Variants in SNX22 observed in about 807,000 individuals in gnomAD.
SNX22 encodes sorting nexin-22.
A neutral mutation model predicts 24.7 loss-of-function variants in SNX22; 23 were observed. That is an observed-to-expected ratio of 0.93 (90% CI 0.67 to 1.32). The LOEUF (loss-of-function observed/expected upper bound fraction) is 1.32, where lower values mean the gene tolerates loss of function less well. Among genes scored for constraint, SNX22 ranks in the 40% most tolerant of loss-of-function variants. The pLI is 0.00. For synonymous variants in SNX22, 99 were observed against 104.0 expected (o/e 0.95, Z 0.29); for missense variants, 261 against 249.9 (o/e 1.04, Z -0.30).
rs774983936 is a variant in SNX22 at position 64,156,024 on chromosome 15, T to C, written c.*1516T>C. The C allele has an allele frequency of 3.1e-6, 5 of 1,614,194 alleles. No individual in the cohort carries two copies. In the South Asian group the frequency reaches 5.5e-5, roughly 18 times the overall value. On this transcript the variant is annotated 3_prime_UTR_variant, in exon 7 of 7. Coordinates refer to ENST00000325881, the MANE Select transcript of SNX22 (RefSeq NM_024798.3). This position sits in a 1 kb window ranked among gnomAD's most constrained non-coding sequence, Gnocchi z 6.4. ...CTCAAAGAAAGATGTCCCTGTGCCC[T>C]ACTCCTTGGCGATGGCAAAGGGCTT...
At position 64,157,092 on chromosome 15, in the gene SNX22, G is replaced by A. The variant is rs1488080842; in HGVS notation, c.*2584G>A. The A allele has an allele frequency of 1.6e-6, 1 of 630,984 alleles. No individual in the cohort carries two copies. Among genetic ancestry groups the A allele is most frequent in the Non-Finnish European group, 2.7e-6 (1 of 364,118 alleles). 39.1% of individuals were successfully genotyped at this position (630,984 alleles called of 1,614,324 possible). A position where few individuals can be genotyped will look rare whatever the true frequency, so the allele number is the denominator to read the frequency against. On this transcript the variant is annotated 3_prime_UTR_variant, in exon 7 of 7. Transcript: ENST00000325881. This position sits in a 1 kb window ranked among gnomAD's most constrained non-coding sequence, Gnocchi z 4.2. Reference sequence around the variant, plus strand: ...CTCAGAGCCAAGCCATGCTGACTGAGGCCAAGTGGGGCATCAGGCCAGGCT... The same window carrying A: ...CTCAGAGCCAAGCCATGCTGACTGAAGCCAAGTGGGGCATCAGGCCAGGCT...
Position 64,156,034 on chromosome 15 carries a change from C to T in SNX22, c.*1526C>T, listed in dbSNP as rs759753798. On this transcript the variant is annotated 3_prime_UTR_variant, in exon 7 of 7. Coordinates refer to ENST00000325881, the MANE Select transcript of SNX22 (RefSeq NM_024798.3). This position sits in a 1 kb window ranked among gnomAD's most constrained non-coding sequence, Gnocchi z 6.4. The stretch of plus-strand genomic sequence containing the variant: ...GATGTCCCTGTGCCCTACTCCTTGG[C>T]GATGGCAAAGGGCTTCTCCACCTCG... 5.0e-6 allele frequency: 8 copies of T among 1,614,046 alleles called. No individual in the cohort carries two copies. Among genetic ancestry groups the T allele is most frequent in the Middle Eastern group, 3.3e-4 (2 of 6,084 alleles).
intron 2 of SNX22, 138 bp downstream of exon 2, chr15:64,152,464 C>G (rs1205290455): frequency 8.0e-7 from 1 of 1,252,788 alleles, no homozygotes. Context: ...CGGTCAGCCC[C>G]CGGGCCTCTG....
rs2081522645 is a variant in SNX22, at chr15:64,155,561, G to A, written c.*1053G>A. The A allele has an allele frequency of 5.7e-6, 1 of 176,228 alleles. No homozygotes were observed. The highest frequency in any genetic ancestry group is 2.5e-5 in the African/African-American group (1 of 40,088). The allele number at this position is 176,228 out of a possible 1,614,324, so 10.9% of individuals were successfully genotyped here. A position where few individuals can be genotyped will look rare whatever the true frequency, so the allele number is the denominator to read the frequency against. On this transcript the variant is annotated 3_prime_UTR_variant, in exon 7 of 7. Transcript: ENST00000325881. ...CAATTTAGAGGTAGGCTATGAAAAA[G>A]TACAGATACATCCCTTAACATAGAC...
In SNX22 at chr15:64,151,868, A is replaced by T; in HGVS notation, c.75+18A>T. The T allele has an allele frequency of 6.6e-7, 1 of 1,526,110 alleles. No individual in the cohort carries two copies. The highest frequency in any genetic ancestry group is 1.2e-5 in the South Asian group (1 of 81,760). 94.5% of individuals were successfully genotyped at this position (1,526,110 alleles called of 1,614,324 possible). A position where few individuals can be genotyped will look rare whatever the true frequency, so the allele number is the denominator to read the frequency against. Reference sequence around the variant, plus strand: ...GCCACATGGTGAGCGCGGCCCCTGGATGGGGAGGGGCGCCGGGACCCGCAG... The same window carrying T: ...GCCACATGGTGAGCGCGGCCCCTGGTTGGGGAGGGGCGCCGGGACCCGCAG... On this transcript the variant is annotated intron_variant, in intron 1 of 6. Transcript: ENST00000325881.
chr15:64,154,131 C>A (rs1174393422), intron 6 of SNX22, 129 bp downstream of exon 6: 3 of 1,601,458 alleles, frequency 1.9e-6, no homozygotes, highest in African/African-American at 2.7e-5. Flanking sequence ...CTGCTCCTGT[C>A]CCCTGGAGCC....
Position 64,153,956 on chromosome 15 carries a change from T to C in SNX22, c.414T>C (p.Pro138=), listed in dbSNP as rs2140177574. Residue 138 remains proline (P), a synonymous_variant, in exon 6 of 7, where the codon CCT becomes CCC. Transcript: ENST00000325881. ...CCAGCTCCCAGCAGCACCAGCGGCC[T>C]GTCCTGAGCTTCCATGTGGATCCCT... ...GDSSSQQHQR[P]VLSFHVDPYV... 1 of 1,613,528 alleles carries C rather than the reference T, an allele frequency of 6.2e-7. No homozygotes were observed. The highest frequency in any genetic ancestry group is 1.3e-5 in the African/African-American group (1 of 75,034).
intron 3 of SNX22, 22 bp from the exon 4 acceptor site, chr15:64,153,223 A>C (rs2081500031): frequency 1.7e-5 from 28 of 1,613,614 alleles, no homozygotes; most frequent in Non-Finnish European, 2.4e-5. Context: ...GTCTGATTGC[A>C]GGTCTCCTCT....
At chr15:64,152,550 G>A (rs1457914254) in intron 2 of SNX22, 88 bp from the exon 3 acceptor site, 2 of 1,376,518 alleles carry the variant, frequency 1.5e-6, no homozygotes, top group Admixed American at 2.0e-5. Flanking sequence ...GCCCGAAGGC[G>A]GGGGCGCGGG....
Position 64,154,013 on chromosome 15 carries a change from G to A in SNX22, c.460+11G>A, listed in dbSNP as rs1179105723. The A allele has an allele frequency of 1.1e-5, 17 of 1,614,142 alleles. No individual in the cohort carries two copies. Among genetic ancestry groups the A allele is most frequent in the Non-Finnish European group, 1.4e-5 (17 of 1,180,018 alleles). On this transcript the variant is annotated intron_variant, in intron 6 of 6. Transcript: ENST00000325881. The stretch of plus-strand genomic sequence containing the variant: ...GCAACCCCTCCCCAGGTGAGGAGGT[G>A]CCTAGATATGGGGCTACAGGGCTGG...
Position 64,152,524 on chromosome 15 carries a change from G to T in SNX22, c.160-114G>T, listed in dbSNP as rs144903204. 9.9e-4 allele frequency: 1,251 copies of T among 1,260,948 alleles called. 9 individuals carry two copies. In the African/African-American group the frequency reaches 0.017, roughly 17 times the overall value. 78.1% of individuals were successfully genotyped at this position (1,260,948 alleles called of 1,614,324 possible). ...CCTCGGCCGGTCCACCACTCACCAG[G>T]GTCTGTCCCAGTAGAGCCCGAAGGC... is the stretch of plus-strand genomic sequence containing the variant. On this transcript the variant is annotated intron_variant, in intron 2 of 6. Coordinates refer to ENST00000325881, the MANE Select transcript of SNX22 (RefSeq NM_024798.3).
At chr15:64,152,041 G>A (rs938636676) in intron 1 of SNX22, 191 bp downstream of exon 1, 1 of 754,866 alleles carries the variant, frequency 1.3e-6, no homozygotes, top group Non-Finnish European at 2.0e-6. Flanking sequence ...GAGCTCTTGA[G>A]GGACCCCAGG....
At position 64,153,483 on chromosome 15, in the gene SNX22, CT is replaced by C. The variant is rs1403969301; in HGVS notation, c.359+152del. ...AGCTCTCTTGACCTGGGTGGAGGGGCTTTTTTTTGGACAGACTTGGTTACCC... is the reference window on the plus strand; with the variant it reads ...AGCTCTCTTGACCTGGGTGGAGGGGCTTTTTTTGGACAGACTTGGTTACCC... On this transcript the variant is annotated intron_variant, in intron 4 of 6. Transcript: ENST00000325881. 8.1e-4 allele frequency: 171 copies of C among 211,456 alleles called. No individual in the cohort carries two copies. In the East Asian group the frequency reaches 0.011, roughly 13 times the overall value. 13.1% of individuals were successfully genotyped at this position (211,456 alleles called of 1,614,324 possible).
At chr15:64,154,088 C>G (rs761473544) in intron 6 of SNX22, 86 bp downstream of exon 6, 31 of 1,612,766 alleles carry the variant, frequency 1.9e-5, no homozygotes, top group Non-Finnish European at 2.5e-5. Context: ...ACAGCATCTC[C>G]TTCCTGCTGC....
At position 64,156,200 on chromosome 15, in the gene SNX22, C is replaced by G; in HGVS notation, c.*1692C>G. 6.2e-7 allele frequency: 1 copy of G among 1,608,812 alleles called. No homozygotes were observed. The highest frequency in any genetic ancestry group is 8.5e-7 in the Non-Finnish European group (1 of 1,176,938). ...ATGGTGGATCAGGAGGTCCACCGCT[C>G]AGGAGAAAGGCCCCAGCGTATGGCT... On this transcript the variant is annotated 3_prime_UTR_variant, in exon 7 of 7. Coordinates refer to ENST00000325881, the MANE Select transcript of SNX22 (RefSeq NM_024798.3). This position sits in a 1 kb window ranked among gnomAD's most constrained non-coding sequence, Gnocchi z 6.4.
In SNX22 at chr15:64,156,541, C is replaced by T. The variant is rs2081533042; in HGVS notation, c.*2033C>T. The T allele has an allele frequency of 1.3e-6, 1 of 791,138 alleles. No homozygotes were observed. Among genetic ancestry groups the T allele is most frequent in the Admixed American group, 2.0e-5 (1 of 49,370 alleles). 49.0% of individuals were successfully genotyped at this position (791,138 alleles called of 1,614,324 possible). On this transcript the variant is annotated 3_prime_UTR_variant, in exon 7 of 7. Transcript: ENST00000325881. This position sits in a 1 kb window ranked among gnomAD's most constrained non-coding sequence, Gnocchi z 6.4. Reference sequence around the variant, plus strand: ...CCTTCCTGGCTGGGCTCTGAGGGGGCTGGAAGAATTTAGAACCTTGGAGGC... The same window carrying T: ...CCTTCCTGGCTGGGCTCTGAGGGGGTTGGAAGAATTTAGAACCTTGGAGGC...
In SNX22 at chr15:64,155,575, C is replaced by T. The variant is rs1417654747; in HGVS notation, c.*1067C>T. On this transcript the variant is annotated 3_prime_UTR_variant, in exon 7 of 7. Transcript: ENST00000325881. ...GCTATGAAAAAGTACAGATACATCC[C>T]TTAACATAGACTGGAGGGTGGTGGC... The T allele has an allele frequency of 4.5e-6, 1 of 222,366 alleles. No individual in the cohort carries two copies. Among genetic ancestry groups the T allele is most frequent in the Non-Finnish European group, 9.0e-6 (1 of 111,084 alleles). 13.8% of individuals were successfully genotyped at this position (222,366 alleles called of 1,614,324 possible). A position where few individuals can be genotyped will look rare whatever the true frequency, so the allele number is the denominator to read the frequency against.
At chr15:64,152,489 C>A (rs1383550381) in intron 2 of SNX22, 149 bp from the exon 3 acceptor site, 2 of 1,182,388 alleles carry the variant, frequency 1.7e-6, no homozygotes, top group Non-Finnish European at 2.4e-6. Flanking sequence ...TGGGTTGGGG[C>A]CTTCCTCGCC....
At position 64,152,328 on chromosome 15, in the gene SNX22, T is replaced by C; in HGVS notation, c.159+2T>C. Reference sequence around the variant, plus strand: ...GAGTTCCACGCGCTGCACAAGCGGGTGAGGCGGCGCCGACCTCCCACCGGC... The same window carrying C: ...GAGTTCCACGCGCTGCACAAGCGGGCGAGGCGGCGCCGACCTCCCACCGGC... On this transcript the variant is annotated splice_donor_variant, in intron 2 of 6. Transcript: ENST00000325881. LOFTEE classifies it high-confidence loss of function. 1 of 1,511,952 alleles carries C rather than the reference T, an allele frequency of 6.6e-7. No individual in the cohort carries two copies. Among genetic ancestry groups the C allele is most frequent in the Non-Finnish European group, 8.8e-7 (1 of 1,137,412 alleles). 93.7% of individuals were successfully genotyped at this position (1,511,952 alleles called of 1,614,324 possible).
Sources: gnomAD v4.1 joint callset for allele counts on GRCh38, gnomAD v4.1.1 for gene constraint, Gnocchi (gnomAD v3.1) non-coding constraint, MANE v1.5 for transcripts, NCBI Gene and HGNC (gene_info 2026-07-23, HGNC 2026-07-21) for gene names.